Variants in FERMT2 observed in about 807,000 individuals in gnomAD.
The protein encoded by FERMT2 is fermitin family homolog 2.
FERMT2 carries 15 observed loss-of-function variants against 82.7 expected under a neutral mutation model. That is an observed-to-expected ratio of 0.18 (90% CI 0.12 to 0.28). The LOEUF (loss-of-function observed/expected upper bound fraction) is 0.28. FERMT2 is among the 10% of genes least tolerant of loss of function. FERMT2 has a pLI of 1.00. For synonymous variants in FERMT2, 274 were observed against 271.5 expected (o/e 1.01, Z -0.09); for missense variants, 645 against 809.4 (o/e 0.80, Z 2.46).
At chr14:52,917,621 GA>G (rs1386593321) in intron 3 of FERMT2, among the ~76,000 whole-genome samples, 19 of 152,142 alleles carry the variant, frequency 1.2e-4, no homozygotes, top group African/African-American at 4.1e-4. Context: ...CGAATCCCCT[GA>G]AATGACAGCA....
At chr14:52,869,381 G>C (rs185083109) in intron 10 of FERMT2, among the ~76,000 whole-genome samples, 3 of 152,066 alleles carry the variant, frequency 2.0e-5, no homozygotes, top group African/African-American at 7.2e-5. Flanking sequence ...CATGTACTAG[G>C]GTACAGATTT....
chr14:52,865,282 T>C (rs986315795), intron 10 of FERMT2, among the ~76,000 whole-genome samples: 5 of 152,134 alleles, frequency 3.3e-5, no homozygotes, highest in Non-Finnish European at 7.4e-5. Flanking sequence ...GATCGCACCG[T>C]TGCACTCCAG....
intron 3 of FERMT2, among the ~76,000 whole-genome samples, chr14:52,901,196 G>T (rs1887616735): frequency 7.0e-6 from 1 of 142,266 alleles, no homozygotes; most frequent in Admixed American, 7.6e-5. Flanking sequence ...CAGGAGAATG[G>T]CTTGAACCCG....
At chr14:52,919,441 G>GT (rs1888815645) in intron 2 of FERMT2, 85 bp from the exon 3 acceptor site, 1 of 853,472 alleles carries the variant, frequency 1.2e-6, no homozygotes, top group African/African-American at 2.2e-5. Flanking sequence ...AGATAATTGG[G>GT]TATTTAACAG....
intron 3 of FERMT2, among the ~76,000 whole-genome samples, chr14:52,912,767 C>A (rs1436075826): frequency 6.6e-6 from 1 of 152,146 alleles, no homozygotes; most frequent in Non-Finnish European, 1.5e-5. Context: ...GCCTTGGCCT[C>A]CCAAAGCGCT....
At chr14:52,926,883 A>T (rs965302938) in intron 2 of FERMT2, among the ~76,000 whole-genome samples, 5 of 152,244 alleles carry the variant, frequency 3.3e-5, no homozygotes, top group Admixed American at 6.5e-5. Context: ...CTTCTATAAT[A>T]AATTTTAGTA....
chr14:52,878,123 G>A (rs565102269), intron 7 of FERMT2, among the ~76,000 whole-genome samples: 20 of 152,290 alleles, frequency 1.3e-4, no homozygotes, highest in African/African-American at 4.6e-4. Flanking sequence ...GGTTCCACTA[G>A]TCTCTCTAAA....
At chr14:52,895,763 T>A (rs1012065084) in intron 3 of FERMT2, among the ~76,000 whole-genome samples, 1 of 152,174 alleles carries the variant, frequency 6.6e-6, no homozygotes, top group Non-Finnish European at 1.5e-5. Flanking sequence ...TTTAAATAGA[T>A]ACAGTTTATG....
chr14:52,919,817 G>C (rs1413423705), intron 2 of FERMT2, among the ~76,000 whole-genome samples: 1 of 152,108 alleles, frequency 6.6e-6, no homozygotes. Flanking sequence ...GAAAAGATGG[G>C]GAACCAAAGT....
At chr14:52,921,236 AG>A (rs1358987341) in intron 2 of FERMT2, among the ~76,000 whole-genome samples, 4 of 152,230 alleles carry the variant, frequency 2.6e-5, no homozygotes, top group African/African-American at 9.6e-5. Flanking sequence ...TGCCACAGGT[AG>A]AAAAAGACTT....
Position 52,858,131 on chromosome 14 carries a change from C to T in FERMT2, c.*246G>A. 1.1e-5 allele frequency: 5 copies of T among 436,060 alleles called. No homozygotes were observed. The highest frequency in any genetic ancestry group is 3.5e-5 in the South Asian group (1 of 28,204). 27.0% of individuals were successfully genotyped at this position (436,060 alleles called of 1,614,324 possible). On this transcript the variant is annotated 3_prime_UTR_variant, in exon 15 of 15. Coordinates refer to ENST00000341590, the MANE Select transcript of FERMT2 (RefSeq NM_006832.3). ...CAGTGATGGTTTGTTCCTGATTTGC[C>T]CACTATTTCAGTTTTCAATTCATGG...
chr14:52,901,835 G>A lies in FERMT2; in HGVS notation c.392-8408C>T, dbSNP rs1887671558. 2.0e-5 allele frequency among the ~76,000 whole-genome samples: 3 copies of A among 152,204 alleles called. No individual in the cohort carries two copies. In the South Asian group the frequency reaches 6.2e-4, roughly 31 times the overall value. On this transcript the variant is annotated intron_variant, in intron 3 of 14. Transcript: ENST00000341590. The stretch of plus-strand genomic sequence containing the variant: ...TTAAGAGTCTATAGAGGACACAGGT[G>A]AGCCACGTGTACACACCTTTAACCT...
At chr14:52,874,576 T>C (rs1024590733) in intron 8 of FERMT2, among the ~76,000 whole-genome samples, 1 of 152,212 alleles carries the variant, frequency 6.6e-6, no homozygotes, top group Non-Finnish European at 1.5e-5. Context: ...CTAATCCCTA[T>C]ACTTAAAAAC....
chr14:52,860,834 T>C (rs1453825372), intron 12 of FERMT2: 4 of 641,494 alleles, frequency 6.2e-6, no homozygotes, highest in Non-Finnish European at 1.1e-5. Flanking sequence ...TCAGAATGAA[T>C]ACCTGGAATA....
At chr14:52,948,970 G>A (rs2139720694) in intron 2 of FERMT2, among the ~76,000 whole-genome samples, 1 of 152,112 alleles carries the variant, frequency 6.6e-6, no homozygotes, top group African/African-American at 2.4e-5. Flanking sequence ...TACCAGAGCT[G>A]GACAAAAAAG....
At chr14:52,947,491 A>G (rs557626648) in intron 2 of FERMT2, among the ~76,000 whole-genome samples, 7 of 152,294 alleles carry the variant, frequency 4.6e-5, no homozygotes, top group African/African-American at 1.7e-4. Flanking sequence ...AAAAGTAAAA[A>G]ATAAATAAAT....
At chr14:52,880,693 C>G (rs533692377) in intron 6 of FERMT2, among the ~76,000 whole-genome samples, 1 of 151,994 alleles carries the variant, frequency 6.6e-6, no homozygotes, top group South Asian at 2.1e-4. Flanking sequence ...CCACTGCACC[C>G]GGCCTAAACT....
intron 7 of FERMT2, among the ~76,000 whole-genome samples, chr14:52,876,390 T>C (rs1885958673): frequency 6.6e-6 from 1 of 152,150 alleles, no homozygotes; most frequent in Non-Finnish European, 1.5e-5. Context: ...AAGAGTCTGG[T>C]GAAGAATTGG....
chr14:52,880,485 G>A (rs142598094), intron 6 of FERMT2, among the ~76,000 whole-genome samples: 78 of 152,144 alleles, frequency 5.1e-4, no homozygotes, highest in African/African-American at 1.7e-3. Flanking sequence ...TGCAAGCTCC[G>A]TCTTCCAGGT....
Sources: allele counts gnomAD v4.1 joint callset (sites outside exome capture counted in the v4.1 genomes callset), GRCh38; gene constraint gnomAD v4.1.1; transcripts MANE v1.5; gene names NCBI Gene and HGNC (gene_info 2026-07-23, HGNC 2026-07-21).